Variants in FOXP2 observed in about 807,000 individuals in gnomAD.
FOXP2 encodes forkhead box protein P2.
Under a neutral mutation model 115.8 loss-of-function variants are expected in FOXP2, and 12 were observed. The ratio of observed to expected loss-of-function variants is 0.10; its 90% CI spans 0.07 to 0.17. FOXP2 has a LOEUF of 0.17. FOXP2 is among the 10% of genes least tolerant of loss of function. The pLI, the probability that FOXP2 is intolerant of heterozygous loss-of-function variation, is 1.00. For missense variants in FOXP2, 629 were observed against 843.5 expected (o/e 0.75, Z 3.15); for synonymous variants, 328 against 297.7 (o/e 1.10, Z -1.05).
At chr7:114,209,890 C>T (rs1794299413) in intron 1 of FOXP2, among the ~76,000 whole-genome samples, 1 of 152,126 alleles carries the variant, frequency 6.6e-6, no homozygotes, top group African/African-American at 2.4e-5. Context: ...AGTTTACAAG[C>T]TCTGAGATTC....
chr7:114,564,246 T>A (rs1157624635), intron 3 of FOXP2, among the ~76,000 whole-genome samples: 2 of 152,106 alleles, frequency 1.3e-5, no homozygotes, highest in Non-Finnish European at 2.9e-5. Context: ...CCTTTCTGTT[T>A]TTTTTTACTT....
intron 3 of FOXP2, among the ~76,000 whole-genome samples, chr7:114,594,954 C>A (rs1157019207): frequency 6.6e-6 from 1 of 152,010 alleles, no homozygotes; most frequent in Non-Finnish European, 1.5e-5. Flanking sequence ...TAGAGGTAGA[C>A]ACTGTAAGTC....
At chr7:114,659,776 C>T in intron 13 of FOXP2, 103 bp downstream of exon 13, 1 of 892,794 alleles carries the variant, frequency 1.1e-6, no homozygotes, top group Admixed American at 1.8e-5. Flanking sequence ...ATCTGCTTCC[C>T]CTCTTTTTAA....
intron 2 of FOXP2, among the ~76,000 whole-genome samples, chr7:114,324,983 A>G (rs559351797): frequency 1.6e-4 from 24 of 152,024 alleles, no homozygotes; most frequent in South Asian, 1.5e-3. Flanking sequence ...CAGGCATGCA[A>G]AGAGAAATAA....
At chr7:114,379,729 G>A (rs1466689732) in intron 2 of FOXP2, among the ~76,000 whole-genome samples, 1 of 152,190 alleles carries the variant, frequency 6.6e-6, no homozygotes, top group Non-Finnish European at 1.5e-5. Flanking sequence ...GGCCTGCAGT[G>A]TAGGGGATTA....
intron 1 of FOXP2, among the ~76,000 whole-genome samples, chr7:114,198,895 G>C (rs1477154613): frequency 6.6e-6 from 1 of 152,220 alleles, no homozygotes. Context: ...TGACATTGCA[G>C]CTCATCCAAA....
At chr7:114,090,055 C>T (rs1196012607) in intron 1 of FOXP2, among the ~76,000 whole-genome samples, 3 of 151,874 alleles carry the variant, frequency 2.0e-5, no homozygotes, top group Non-Finnish European at 4.4e-5. Context: ...TCTGGGTCAG[C>T]CTCATCACCC....
intron 3 of FOXP2, among the ~76,000 whole-genome samples, chr7:114,540,521 G>A (rs1019602659): frequency 6.6e-6 from 1 of 152,030 alleles, no homozygotes; most frequent in African/African-American, 2.4e-5. Flanking sequence ...TGTCCTCAGG[G>A]ACTTATGACT....
chr7:114,158,030 T>G (rs1792715412), intron 1 of FOXP2, among the ~76,000 whole-genome samples: 1 of 152,046 alleles, frequency 6.6e-6, no homozygotes, highest in Admixed American at 6.6e-5. Context: ...ATATCAGCCA[T>G]TATTTGAGTA....
chr7:114,248,935 C>T (rs1018560436), intron 1 of FOXP2, among the ~76,000 whole-genome samples: 5 of 152,134 alleles, frequency 3.3e-5, no homozygotes, highest in Non-Finnish European at 5.9e-5. Flanking sequence ...CATGATGGAA[C>T]TTGGATTCAA....
intron 2 of FOXP2, among the ~76,000 whole-genome samples, chr7:114,524,555 T>A (rs1464701821): frequency 6.6e-6 from 1 of 152,134 alleles, no homozygotes; most frequent in Non-Finnish European, 1.5e-5. Flanking sequence ...TCCAAGGCTC[T>A]GGTGAAAAAG....
chr7:114,504,750 G>T (rs1307653792), intron 2 of FOXP2, among the ~76,000 whole-genome samples: 2 of 151,592 alleles, frequency 1.3e-5, no homozygotes, highest in East Asian at 1.9e-4. Flanking sequence ...TATGTGGATA[G>T]ATTTTTCAGG....
At chr7:114,583,898 A>G (rs950892523) in intron 3 of FOXP2, among the ~76,000 whole-genome samples, 1 of 152,006 alleles carries the variant, frequency 6.6e-6, no homozygotes, top group African/African-American at 2.4e-5. Flanking sequence ...AACTAAATTA[A>G]TTTTTTTTCT....
At chr7:114,620,351 G>A (rs1804181729) in intron 3 of FOXP2, among the ~76,000 whole-genome samples, 1 of 152,052 alleles carries the variant, frequency 6.6e-6, no homozygotes. Flanking sequence ...TGACCAAAGT[G>A]TTAATTGGAT....
chr7:114,287,302 C>A (rs1286135274), intron 1 of FOXP2, among the ~76,000 whole-genome samples: 1 of 151,712 alleles, frequency 6.6e-6, no homozygotes, highest in African/African-American at 2.4e-5. Flanking sequence ...AGAAACTTTA[C>A]AAATTTGTGT....
At chr7:114,506,106 A>T (rs907992425) in intron 2 of FOXP2, among the ~76,000 whole-genome samples, 1 of 151,750 alleles carries the variant, frequency 6.6e-6, no homozygotes, top group African/African-American at 2.4e-5. Context: ...GCAGATGCTC[A>T]ATAAATACTT....
intron 1 of FOXP2, among the ~76,000 whole-genome samples, chr7:114,236,191 T>A (rs930406157): frequency 2.6e-5 from 4 of 152,220 alleles, no homozygotes; most frequent in African/African-American, 9.6e-5. Context: ...TTTCAATGGA[T>A]TGGCAATTGA....
chr7:114,289,820 A>G (rs1796549492), intron 2 of FOXP2, among the ~76,000 whole-genome samples: 1 of 151,954 alleles, frequency 6.6e-6, no homozygotes, highest in Non-Finnish European at 1.5e-5. Context: ...GAATATGCAT[A>G]ATGCCAAAGG....
At chr7:114,646,508 A>G (rs1280038827) in intron 8 of FOXP2, among the ~76,000 whole-genome samples, 2 of 152,212 alleles carry the variant, frequency 1.3e-5, no homozygotes, top group Admixed American at 1.3e-4. Flanking sequence ...CAATTAAAAA[A>G]GCATTTCCTT....
Sources: gnomAD v4.1 joint callset for allele counts (sites outside exome capture counted in the v4.1 genomes callset) on GRCh38, gnomAD v4.1.1 for gene constraint, MANE v1.5 for transcripts, NCBI Gene and HGNC (gene_info 2026-07-23, HGNC 2026-07-21) for gene names.